The following TRPC3 variants were observed in gnomAD, a reference collection of about 807,000 sequenced individuals.
The protein encoded by TRPC3 is short transient receptor potential channel 3.
A neutral mutation model predicts 90.9 loss-of-function variants in TRPC3; 54 were observed. The observed-to-expected ratio is 0.59, with a 90% CI of 0.48 to 0.75. The LOEUF is 0.75. TRPC3 is among the 30% of genes least tolerant of loss of function. The pLI, the probability that TRPC3 is intolerant of heterozygous loss-of-function variation, is 0.00. For missense variants in TRPC3, 918 were observed against 1,194.5 expected (o/e 0.77, Z 3.41); for synonymous variants, 424 against 450.9 (o/e 0.94, Z 0.75).
rs1310786347 is a variant in TRPC3, at chr4:121,892,786, A to G, written c.2547+6826T>C. Among the ~76,000 whole-genome samples the G allele has an allele frequency of 2.0e-5, 3 of 152,184 alleles. 1 individual carries two copies. In the East Asian group the frequency reaches 5.8e-4, roughly 29 times the overall value. On this transcript the variant is annotated intron_variant, in intron 10 of 11. Transcript: ENST00000379645. ...ATTTGCCTTAACGTGATCAAAATAA[A>G]GATACCAGCAGACAAGCCCACCTTA... is the stretch of plus-strand genomic sequence containing the variant.
At chr4:121,924,804 C>T (rs540533301) in intron 3 of TRPC3, among the ~76,000 whole-genome samples, 3 of 152,264 alleles carry the variant, frequency 2.0e-5, no homozygotes, top group South Asian at 2.1e-4. Context: ...CCTCCCAAAG[C>T]GCTGGGATTA....
chr4:121,928,567 A>C (rs1729796395), intron 2 of TRPC3, among the ~76,000 whole-genome samples: 1 of 152,156 alleles, frequency 6.6e-6, no homozygotes, highest in Non-Finnish European at 1.5e-5. Flanking sequence ...AGATCAGACC[A>C]TTTGTCTGGT....
At chr4:121,920,836 G>A (rs1332778326) in intron 3 of TRPC3, among the ~76,000 whole-genome samples, 2 of 151,974 alleles carry the variant, frequency 1.3e-5, no homozygotes, top group Non-Finnish European at 2.9e-5. Context: ...TGAGTTCTTG[G>A]GATATTAAGA....
rs187869854 is a variant in TRPC3, at chr4:121,905,444, C to T, written c.2058-927G>A. 8.3e-4 allele frequency among the ~76,000 whole-genome samples: 126 copies of T among 152,176 alleles called. 1 individual carries two copies. The highest frequency in any genetic ancestry group is 1.5e-3 in the Non-Finnish European group (99 of 67,986). ...CCCTTAATTTATATAATGTACTTCCCGATTCTTCCACCACAACAATTAGCA... is the reference window on the plus strand; with the variant it reads ...CCCTTAATTTATATAATGTACTTCCTGATTCTTCCACCACAACAATTAGCA... On this transcript the variant is annotated intron_variant, in intron 7 of 11. Coordinates refer to ENST00000379645, the MANE Select transcript of TRPC3 (RefSeq NM_001130698.2).
chr4:121,945,154 C>T (rs1357204153), intron 1 of TRPC3, among the ~76,000 whole-genome samples: 1 of 152,192 alleles, frequency 6.6e-6, no homozygotes, highest in Non-Finnish European at 1.5e-5. Context: ...AAGTTACTAT[C>T]TACTCCATGT....
chr4:121,947,000 T>C (rs1369112874), intron 1 of TRPC3, among the ~76,000 whole-genome samples: 2 of 151,608 alleles, frequency 1.3e-5, no homozygotes, highest in South Asian at 2.1e-4. Flanking sequence ...CTGGGCAACA[T>C]AGTGAGACCT....
intron 10 of TRPC3, among the ~76,000 whole-genome samples, chr4:121,893,528 C>T (rs192863200): frequency 5.3e-5 from 8 of 151,764 alleles, no homozygotes; most frequent in Admixed American, 5.3e-4. Flanking sequence ...TTTTCAGAGT[C>T]CAAAGAAGTG....
intron 1 of TRPC3, among the ~76,000 whole-genome samples, chr4:121,946,351 GA>G (rs1730488113): frequency 6.6e-6 from 1 of 152,028 alleles, no homozygotes; most frequent in Admixed American, 6.6e-5. Flanking sequence ...CTCTAGAAAG[GA>G]TAACTTCAGG....
Position 121,875,978 on chromosome 4 carries a change from A to G in TRPC3, c.*3758T>C, listed in dbSNP as rs113535716. ...GCAGTGGCGTGAACCAGCTCACTGC[A>G]GCCTCAACTTCCTGGGCTCAAGTTA... On this transcript the variant is annotated 3_prime_UTR_variant, in exon 12 of 12. Coordinates refer to ENST00000379645, the MANE Select transcript of TRPC3 (RefSeq NM_001130698.2). Among the ~76,000 whole-genome samples the G allele has an allele frequency of 1.4e-4, 19 of 137,618 alleles. No individual in the cohort carries two copies. The highest frequency in any genetic ancestry group is 5.2e-4 in the African/African-American group (19 of 36,208). The allele number at this position is 137,618 out of a possible 152,430, so 90.3% of individuals were successfully genotyped here. A position where few individuals can be genotyped will look rare whatever the true frequency, so the allele number is the denominator to read the frequency against.
At chr4:121,921,436 G>A (rs375657658) in intron 3 of TRPC3, among the ~76,000 whole-genome samples, 10 of 149,416 alleles carry the variant, frequency 6.7e-5, no homozygotes, top group Admixed American at 1.3e-4. Context: ...GCAGGAGAAT[G>A]GCGTGAACCC....
At chr4:121,901,760 A>G (rs1728707552) in intron 9 of TRPC3, among the ~76,000 whole-genome samples, 1 of 152,172 alleles carries the variant, frequency 6.6e-6, no homozygotes, top group African/African-American at 2.4e-5. Context: ...CCTTGTTAAT[A>G]AGCCCTAAGT....
chr4:121,923,679 C>A (rs534035217), intron 3 of TRPC3, among the ~76,000 whole-genome samples: 1 of 152,286 alleles, frequency 6.6e-6, no homozygotes, highest in South Asian at 2.1e-4. Flanking sequence ...TACTAGTGAG[C>A]AGATGGAGGC....
Position 121,951,612 on chromosome 4 carries a change from TTCC to T in TRPC3, c.66_68del (p.Glu23del), listed in dbSNP as rs1238682991. On this transcript the variant is annotated inframe_deletion, in exon 1 of 12. Transcript: ENST00000379645. This position sits in a 1 kb window ranked among gnomAD's most constrained non-coding sequence, Gnocchi z 4.4. The stretch of plus-strand genomic sequence containing the variant: ...CCGCGCCCTCGTCCTCGCCCTCGTC[TTCC>T]TCCTCCTCCGGCGCCGGGAAGGTCA... 33 of 1,439,572 alleles carry T rather than the reference TTCC, an allele frequency of 2.3e-5. No individual in the cohort carries two copies. The highest frequency in any genetic ancestry group is 1.3e-4 in the South Asian group (9 of 69,736). 89.2% of individuals were successfully genotyped at this position (1,439,572 alleles called of 1,614,324 possible). A position where few individuals can be genotyped will look rare whatever the true frequency, so the allele number is the denominator to read the frequency against.
At chr4:121,940,706 C>T (rs1025509216) in intron 1 of TRPC3, among the ~76,000 whole-genome samples, 1 of 152,176 alleles carries the variant, frequency 6.6e-6, no homozygotes, top group Non-Finnish European at 1.5e-5. Context: ...GAAGCCATTC[C>T]TGACCACTTC....
intron 3 of TRPC3, among the ~76,000 whole-genome samples, chr4:121,916,016 T>TA (rs1277511696): frequency 6.6e-6 from 1 of 152,210 alleles, no homozygotes; most frequent in African/African-American, 2.4e-5. Context: ...ATGAACCTGT[T>TA]AAGAAACACC....
chr4:121,932,799 C>A lies in TRPC3; in HGVS notation c.459G>T (p.Leu153=), dbSNP rs1578649803. ...CCTCCAGGTGCTCGTTGCCCACAGC[C>A]AGCTGCAGCGCGTTCTGGCCCATGT... ...VDYMGQNALQ[L]AVGNEHLEVT... Residue 153 remains leucine (L), a synonymous_variant, in exon 2 of 12, where the codon CTG becomes CTT. Transcript: ENST00000379645. This position sits in a 1 kb window ranked among gnomAD's most constrained non-coding sequence, Gnocchi z 7.7. 6.2e-7 allele frequency: 1 copy of A among 1,610,732 alleles called. No individual in the cohort carries two copies. Among genetic ancestry groups the A allele is most frequent in the South Asian group, 1.1e-5 (1 of 90,772 alleles).
chr4:121,939,642 T>G (rs1364171803), intron 1 of TRPC3, among the ~76,000 whole-genome samples: 4 of 152,372 alleles, frequency 2.6e-5, no homozygotes, highest in East Asian at 3.9e-4. Context: ...GACACTGCTA[T>G]GAGAGCCAGG....
intron 3 of TRPC3, among the ~76,000 whole-genome samples, chr4:121,915,520 A>G (rs74318524): frequency 0.035 from 5,375 of 152,326 alleles, 321 homozygotes; most frequent in African/African-American, 0.12. Flanking sequence ...GGGTCTACAC[A>G]TGCACTTCTT....
intron 10 of TRPC3, among the ~76,000 whole-genome samples, chr4:121,888,581 G>C (rs924257974): frequency 7.6e-5 from 11 of 145,206 alleles, no homozygotes; most frequent in African/African-American, 2.5e-4. Flanking sequence ...TTTTTTAGTA[G>C]AGACAGGGTT....
Sources: gnomAD v4.1 joint callset for allele counts (sites outside exome capture counted in the v4.1 genomes callset) on GRCh38, gnomAD v4.1.1 for gene constraint, Gnocchi (gnomAD v3.1) non-coding constraint, MANE v1.5 for transcripts, NCBI Gene and HGNC (gene_info 2026-07-23, HGNC 2026-07-21) for gene names.